Variants in PTPRK observed in about 807,000 individuals in gnomAD.
PTPRK encodes receptor-type tyrosine-protein phosphatase kappa.
PTPRK carries 75 observed loss-of-function variants against 178.0 expected under a neutral mutation model. That is an observed-to-expected ratio of 0.42 (90% CI 0.35 to 0.51). The LOEUF (loss-of-function observed/expected upper bound fraction) is 0.51. Ranked by LOEUF, PTPRK falls within the 20% of genes least tolerant of loss-of-function variation. The pLI is 0.02. For missense variants in PTPRK, 1,441 were observed against 1,797.8 expected (o/e 0.80, Z 3.59); for synonymous variants, 637 against 620.6 (o/e 1.03, Z -0.39).
At chr6:128,348,442 T>C (rs1246580222) in intron 2 of PTPRK, among the ~76,000 whole-genome samples, 3 of 152,028 alleles carry the variant, frequency 2.0e-5, no homozygotes, top group Admixed American at 2.0e-4. Flanking sequence ...CTTTTCATTA[T>C]ATTAACATAA....
chr6:128,448,859 T>A (rs913535464), intron 1 of PTPRK, among the ~76,000 whole-genome samples: 22 of 152,188 alleles, frequency 1.4e-4, no homozygotes, highest in Admixed American at 6.5e-4. Flanking sequence ...TGTCTGTTTG[T>A]TTTTGTTTTT....
intron 13 of PTPRK, among the ~76,000 whole-genome samples, chr6:128,022,604 G>T (rs1773694790): frequency 6.6e-6 from 1 of 152,112 alleles, no homozygotes; most frequent in Admixed American, 6.5e-5. Context: ...ACGGAGTAAA[G>T]GAAAAATCTT....
intron 10 of PTPRK, among the ~76,000 whole-genome samples, chr6:128,079,651 T>C (rs1784460752): frequency 6.6e-6 from 1 of 152,096 alleles, no homozygotes; most frequent in South Asian, 2.1e-4. Flanking sequence ...ATGTGTGCAT[T>C]ATCTCTATCC....
intron 3 of PTPRK, among the ~76,000 whole-genome samples, chr6:128,281,458 G>C (rs1055668040): frequency 1.3e-5 from 2 of 152,156 alleles, no homozygotes; most frequent in South Asian, 4.1e-4. Context: ...TGAAGGAAGA[G>C]AGTTCAGGAG....
At chr6:128,184,833 A>G (rs1375521558) in intron 6 of PTPRK, 108 bp from the exon 7 acceptor site, 2 of 1,094,498 alleles carry the variant, frequency 1.8e-6, no homozygotes, top group African/African-American at 3.2e-5. Flanking sequence ...TTAGAAATGC[A>G]TAATAAATAC....
chr6:128,007,428 C>A (rs1405657934), intron 14 of PTPRK, among the ~76,000 whole-genome samples: 2 of 150,734 alleles, frequency 1.3e-5, no homozygotes, highest in Non-Finnish European at 3.0e-5. Flanking sequence ...ATTATGAAAG[C>A]TCAAATGTTA....
chr6:128,253,060 C>T (rs143133808), intron 3 of PTPRK, among the ~76,000 whole-genome samples: 1 of 152,160 alleles, frequency 6.6e-6, no homozygotes, highest in Non-Finnish European at 1.5e-5. Flanking sequence ...CCCCTGCTCT[C>T]TTCTGAGGCT....
intron 1 of PTPRK, among the ~76,000 whole-genome samples, chr6:128,514,370 A>ATGTGTGTGTGTGTGTG (rs146438569): frequency 0.012 from 1,723 of 148,348 alleles, 18 homozygotes; most frequent in Non-Finnish European, 0.018. Flanking sequence ...CATTGTTAAG[A>ATGTGTGTGTGTGTGTG]TGTGTGTGTG....
chr6:127,991,522 TAC>T, intron 19 of PTPRK, 131 bp from the exon 20 acceptor site: 1 of 535,722 alleles, frequency 1.9e-6, no homozygotes, highest in Non-Finnish European at 3.0e-6. Context: ...TCACTGAAAA[TAC>T]TTAAATTCAG....
intron 3 of PTPRK, among the ~76,000 whole-genome samples, chr6:128,299,895 C>T (rs959299136): frequency 3.3e-5 from 5 of 151,828 alleles, no homozygotes; most frequent in East Asian, 1.9e-4. Flanking sequence ...ACTAAAGAGC[C>T]TCTGCACAGC....
At chr6:128,307,555 A>C (rs918915961) in intron 3 of PTPRK, among the ~76,000 whole-genome samples, 8 of 152,146 alleles carry the variant, frequency 5.3e-5, no homozygotes, top group African/African-American at 1.9e-4. Flanking sequence ...CCAAGCCAAG[A>C]CAAGCATGTA....
At chr6:128,246,054 G>A in intron 3 of PTPRK, among the ~76,000 whole-genome samples, 1 of 152,306 alleles carries the variant, frequency 6.6e-6, no homozygotes, top group South Asian at 2.1e-4. Context: ...ACTAAAAGGT[G>A]TGATTGTCAA....
chr6:128,212,082 A>C (rs1808296857), intron 6 of PTPRK, among the ~76,000 whole-genome samples: 1 of 152,052 alleles, frequency 6.6e-6, no homozygotes, highest in African/African-American at 2.4e-5. Context: ...GAAAATAGGT[A>C]GACTATTTTT....
chr6:128,330,492 T>C (rs566834868), intron 2 of PTPRK, among the ~76,000 whole-genome samples: 1 of 152,200 alleles, frequency 6.6e-6, no homozygotes, highest in Non-Finnish European at 1.5e-5. Flanking sequence ...ACTTTCCTCT[T>C]TTAATTAACT....
chr6:128,057,283 T>C (rs1245659830), intron 13 of PTPRK, among the ~76,000 whole-genome samples: 1 of 152,204 alleles, frequency 6.6e-6, no homozygotes, highest in Non-Finnish European at 1.5e-5. Context: ...AGAGTTAACG[T>C]AGCAGGACTA....
intron 7 of PTPRK, among the ~76,000 whole-genome samples, chr6:128,138,726 A>G (rs1170626629): frequency 1.3e-5 from 2 of 152,148 alleles, no homozygotes; most frequent in African/African-American, 4.8e-5. Context: ...GACTTCAAGC[A>G]ACTAGGTGTC....
intron 3 of PTPRK, among the ~76,000 whole-genome samples, chr6:128,278,516 T>C (rs1821149350): frequency 6.6e-6 from 1 of 152,142 alleles, no homozygotes; most frequent in Non-Finnish European, 1.5e-5. Context: ...CCTCCACTTA[T>C]GGGCAAGGTG....
intron 2 of PTPRK, among the ~76,000 whole-genome samples, chr6:128,387,022 C>T (rs558221660): frequency 3.3e-5 from 5 of 152,222 alleles, no homozygotes; most frequent in East Asian, 3.9e-4. Context: ...GAGCCGAGAT[C>T]GCACCACTGC....
chr6:128,253,035 A>G (rs1816728992), intron 3 of PTPRK, among the ~76,000 whole-genome samples: 1 of 152,134 alleles, frequency 6.6e-6, no homozygotes, highest in Admixed American at 6.6e-5. Flanking sequence ...AGACCACAGT[A>G]TAAGGTATGC....
Sources: gnomAD v4.1 joint callset for allele counts (sites outside exome capture counted in the v4.1 genomes callset) on GRCh38, gnomAD v4.1.1 for gene constraint, MANE v1.5 for transcripts, NCBI Gene and HGNC (gene_info 2026-07-23, HGNC 2026-07-21) for gene names.